CADM2: variants seen among roughly 807,000 people sequenced by gnomAD.
CADM2 encodes the protein cell adhesion molecule 2.
In CADM2, 12 loss-of-function variants were observed where a neutral mutation model predicts 49.8. The observed-to-expected ratio is 0.24, with a 90% confidence interval of 0.15 to 0.39. The LOEUF (loss-of-function observed/expected upper bound fraction) is 0.39. Ranked by LOEUF, CADM2 falls within the 10% of genes least tolerant of loss-of-function variation. The pLI, the probability that CADM2 is intolerant of heterozygous loss-of-function variation, is 1.00. For missense variants in CADM2, 378 were observed against 492.3 expected, an observed-to-expected ratio of 0.77 and a Z score of 2.20; for synonymous variants, 214 against 175.4, an observed-to-expected ratio of 1.22 and a Z score of -1.74.
intron 1 of CADM2, among the ~76,000 whole-genome samples, chr3:85,148,738 TCTC>T (rs1354436994): frequency 6.6e-6 from 1 of 152,194 alleles, no homozygotes; most frequent in African/African-American, 2.4e-5. Context: ...TATAATGTAT[TCTC>T]ACAATAAAAT....
chr3:85,994,429 AT>A (rs1729124009), intron 8 of CADM2: 1 of 152,172 alleles, frequency 6.6e-6, no homozygotes. Context: ...AACTTTCTCT[AT>A]ATCAGCAATA....
chr3:85,756,030 A>G (rs563479541), intron 2 of CADM2, among the ~76,000 whole-genome samples: 11 of 152,274 alleles, frequency 7.2e-5, no homozygotes, highest in Admixed American at 3.3e-4. Context: ...GGCCACCATG[A>G]CACACCTTGT....
In CADM2 at chr3:85,725,138, C is replaced by T. The variant is rs548436557; in HGVS notation, c.62-1384C>T. On this transcript the variant is annotated intron_variant, in intron 1 of 9. Transcript: ENST00000383699. ...ACTTAATCCAGATTTCCTAAAATAA[C>T]TTTGTTTTTAGTTAAGATGTTTTTG... Among the ~76,000 whole-genome samples, 6 of 151,796 alleles carry T rather than the reference C, an allele frequency of 4.0e-5. No homozygotes were observed. The East Asian group carries it at 9.7e-4, about 24-fold the overall frequency.
rs188384451 is a variant in CADM2, at chr3:85,241,420, T to A, written c.61+281752T>A. Reference sequence around the variant, plus strand: ...CGTGTTTTTAAACGAAAACTTGAAATTGAGTAGTCAGGATAATTTAGATTT... The same window carrying A: ...CGTGTTTTTAAACGAAAACTTGAAAATGAGTAGTCAGGATAATTTAGATTT... On this transcript the variant is annotated intron_variant, in intron 1 of 9. Transcript: ENST00000383699. Among the ~76,000 whole-genome samples, 44 of 151,616 alleles carry A rather than the reference T, an allele frequency of 2.9e-4. No individual in the cohort carries two copies. The East Asian group carries it at 6.4e-3, about 22-fold the overall frequency.
chr3:85,981,685 T>A (rs1262759990), intron 8 of CADM2, among the ~76,000 whole-genome samples: 1 of 151,614 alleles, frequency 6.6e-6, no homozygotes, highest in Non-Finnish European at 1.5e-5. Context: ...AAGGATATGA[T>A]CTCATTCTTT....
At chr3:85,297,870 T>C (rs1157252074) in intron 1 of CADM2, among the ~76,000 whole-genome samples, 1 of 152,052 alleles carries the variant, frequency 6.6e-6, no homozygotes, top group Admixed American at 6.6e-5. Flanking sequence ...TGAACACTCC[T>C]ATACACCCAA....
chr3:85,311,179 A>G (rs2044333260), intron 1 of CADM2, among the ~76,000 whole-genome samples: 1 of 152,194 alleles, frequency 6.6e-6, no homozygotes, highest in South Asian at 2.1e-4. Context: ...TATCTAGGAT[A>G]AAATACACTA....
chr3:85,335,762 A>C (rs1322568444), intron 1 of CADM2, among the ~76,000 whole-genome samples: 2 of 151,540 alleles, frequency 1.3e-5, no homozygotes, highest in African/African-American at 4.8e-5. Flanking sequence ...ATTTCTGCCA[A>C]GATGTAATTC....
chr3:85,162,585 T>C (rs1410142631), intron 1 of CADM2, among the ~76,000 whole-genome samples: 1 of 152,056 alleles, frequency 6.6e-6, no homozygotes, highest in African/African-American at 2.4e-5. Context: ...TAATATATGG[T>C]TGAGGTTTGT....
intron 1 of CADM2, among the ~76,000 whole-genome samples, chr3:85,072,795 A>T (rs1368326479): frequency 2.0e-5 from 3 of 152,084 alleles, no homozygotes; most frequent in African/African-American, 7.2e-5. Context: ...ACTTAGAGAA[A>T]TATTTTTATC....
At chr3:85,806,020 T>C (rs2072391931) in intron 3 of CADM2, among the ~76,000 whole-genome samples, 1 of 152,150 alleles carries the variant, frequency 6.6e-6, no homozygotes, top group African/African-American at 2.4e-5. Flanking sequence ...TATCAGAATA[T>C]TTTAATTATA....
intron 3 of CADM2, among the ~76,000 whole-genome samples, chr3:85,839,879 G>A (rs960400427): frequency 2.6e-5 from 4 of 151,802 alleles, no homozygotes; most frequent in Non-Finnish European, 5.9e-5. Context: ...CCATCTGAGA[G>A]TTCCGAATAA....
chr3:85,058,214 A>T (rs2036167461), intron 1 of CADM2, among the ~76,000 whole-genome samples: 1 of 152,204 alleles, frequency 6.6e-6, no homozygotes, highest in Non-Finnish European at 1.5e-5. Context: ...ACTAAAATTT[A>T]TTATAAATTT....
At chr3:85,926,256 T>C (rs1719857399) in intron 6 of CADM2, among the ~76,000 whole-genome samples, 1 of 152,062 alleles carries the variant, frequency 6.6e-6, no homozygotes, top group South Asian at 2.1e-4. Context: ...ATTCTGTTTG[T>C]TTTTTTGGGG....
intron 1 of CADM2, among the ~76,000 whole-genome samples, chr3:85,568,457 T>TC (rs1559915948): frequency 8.9e-4 from 32 of 35,944 alleles, no homozygotes; most frequent in Admixed American, 2.1e-3. Flanking sequence ...CTTTCTTTCT[T>TC]TCTTTCTCTT....
At chr3:85,606,154 A>T (rs1447140742) in intron 1 of CADM2, among the ~76,000 whole-genome samples, 1 of 152,072 alleles carries the variant, frequency 6.6e-6, no homozygotes, top group African/African-American at 2.4e-5. Flanking sequence ...AACCTTTTTT[A>T]TTATTATTAA....
chr3:85,349,015 C>G (rs2031065222), intron 1 of CADM2, among the ~76,000 whole-genome samples: 3 of 152,140 alleles, frequency 2.0e-5, no homozygotes, highest in Non-Finnish European at 1.5e-5. Flanking sequence ...AGTATCCTTT[C>G]TCATAATCAT....
Position 85,138,731 on chromosome 3 carries a change from T to C in CADM2, c.61+179063T>C, listed in dbSNP as rs73843298. 3.1e-3 allele frequency among the ~76,000 whole-genome samples: 465 copies of C among 152,204 alleles called. 1 individual carries two copies. Among genetic ancestry groups the C allele is most frequent in the African/African-American group, 9.8e-3 (409 of 41,542 alleles). Reference sequence around the variant, plus strand: ...AAGGGTATGATATTCTTCATGTTAATGCCACCATCCTGGAGGAGACAGCAC... The same window carrying C: ...AAGGGTATGATATTCTTCATGTTAACGCCACCATCCTGGAGGAGACAGCAC... On this transcript the variant is annotated intron_variant, in intron 1 of 9. Transcript: ENST00000383699.
chr3:85,466,411 G>A (rs1032452778), intron 1 of CADM2, among the ~76,000 whole-genome samples: 3 of 152,234 alleles, frequency 2.0e-5, no homozygotes, highest in Middle Eastern at 3.4e-3. Context: ...CTATCCATGT[G>A]AAACTATTTT....
Sources: gnomAD v4.1 joint callset for allele counts (sites outside exome capture counted in the v4.1 genomes callset) on GRCh38, gnomAD v4.1.1 for gene constraint, MANE v1.5 for transcripts, NCBI Gene and HGNC (gene_info 2026-07-23, HGNC 2026-07-21) for gene names.